The following GATAD2B variants were observed in gnomAD, a reference collection of about 807,000 sequenced individuals.
The protein encoded by GATAD2B is GATA zinc finger domain containing 2B, also known as transcriptional repressor p66-beta.
Under a neutral mutation model 64.3 loss-of-function variants are expected in GATAD2B, and 8 were observed. The observed-to-expected ratio is 0.12, with a 90% CI of 0.07 to 0.22. GATAD2B has a LOEUF of 0.22. GATAD2B is among the 10% of genes least tolerant of loss of function. The pLI is 1.00. For synonymous variants in GATAD2B, 281 were observed against 271.3 expected, an observed-to-expected ratio of 1.04 and a Z score of -0.35; for missense variants, 453 against 752.0, an observed-to-expected ratio of 0.60 and a Z score of 4.65.
intron 1 of GATAD2B, 75 bp from the exon 2 acceptor site, chr1:153,828,423 G>A (rs899568575): frequency 1.6e-5 from 16 of 1,018,380 alleles, no homozygotes; most frequent in Non-Finnish European, 2.3e-5. Flanking sequence ...GTGGAATGGT[G>A]AAGTTATTAA....
intron 1 of GATAD2B, among the ~76,000 whole-genome samples, chr1:153,906,081 A>C (rs944627097): frequency 2.7e-5 from 4 of 148,510 alleles, no homozygotes; most frequent in Non-Finnish European, 6.0e-5. Flanking sequence ...AAAAAAAAAA[A>C]GCTCCCCTCC....
In GATAD2B at chr1:153,811,495, A is replaced by ATT. The variant is rs1207753689; in HGVS notation, c.1648+235_1648+236insAA. 1.1e-5 allele frequency: 6 copies of ATT among 570,398 alleles called. No individual in the cohort carries two copies. The African/African-American group carries it at 1.1e-4, about 11-fold the overall frequency. 35.3% of individuals were successfully genotyped at this position (570,398 alleles called of 1,614,324 possible). On this transcript the variant is annotated intron_variant, in intron 10 of 10. Coordinates refer to ENST00000368655, the MANE Select transcript of GATAD2B (RefSeq NM_020699.4). ...ACATGTCTACTGAAGGGATATTAAAAGTTAAATTGATAATGGTAGGATCTG... is the reference window on the plus strand; with the variant it reads ...ACATGTCTACTGAAGGGATATTAAAATTGTTAAATTGATAATGGTAGGATCTG...
intron 1 of GATAD2B, among the ~76,000 whole-genome samples, chr1:153,879,939 T>C (rs569102032): frequency 2.8e-4 from 42 of 152,214 alleles, no homozygotes; most frequent in Non-Finnish European, 4.6e-4. Context: ...CTTCCTTCCA[T>C]GTGCTGTTTG....
At chr1:153,828,378 G>A in intron 1 of GATAD2B, 30 bp from the exon 2 acceptor site, 2 of 1,549,418 alleles carry the variant, frequency 1.3e-6, no homozygotes, top group Non-Finnish European at 1.8e-6. Context: ...AGTAAGATCA[G>A]AATAAAGTCC....
intron 1 of GATAD2B, among the ~76,000 whole-genome samples, chr1:153,861,781 C>CAAAAAAAAAAAAAAAAAAAAAAAA (rs869141712): frequency 3.5e-5 from 3 of 85,726 alleles, no homozygotes; most frequent in African/African-American, 1.3e-4. Context: ...GACTCCATTT[C>CAAAAAAAAAAAAAAAAAAAAAAAA]AAAAAAAAAA....
chr1:153,820,306 C>G (rs1415532564), intron 2 of GATAD2B, among the ~76,000 whole-genome samples: 2 of 152,096 alleles, frequency 1.3e-5, no homozygotes, highest in Admixed American at 1.3e-4. Context: ...CAAAAAGAGT[C>G]TAGAAATTAC....
chr1:153,850,222 T>C (rs1675840416), intron 1 of GATAD2B, among the ~76,000 whole-genome samples: 3 of 152,200 alleles, frequency 2.0e-5, no homozygotes, highest in Admixed American at 2.0e-4. Flanking sequence ...AATAATTTTT[T>C]TATATTCATT....
At chr1:153,896,780 T>C (rs1010782374) in intron 1 of GATAD2B, among the ~76,000 whole-genome samples, 1 of 152,062 alleles carries the variant, frequency 6.6e-6, no homozygotes, top group Non-Finnish European at 1.5e-5. Context: ...CTCCTAATAC[T>C]GACTGAAATA....
intron 1 of GATAD2B, among the ~76,000 whole-genome samples, chr1:153,840,135 C>T (rs1237972927): frequency 7.0e-6 from 1 of 142,756 alleles, no homozygotes; most frequent in Admixed American, 7.4e-5. Context: ...CAGGTTCAAG[C>T]GATTCTCCTG....
At chr1:153,843,017 T>C (rs999069891) in intron 1 of GATAD2B, among the ~76,000 whole-genome samples, 7 of 148,828 alleles carry the variant, frequency 4.7e-5, no homozygotes, top group East Asian at 2.0e-4. Context: ...CAGTGGACCA[T>C]GTCGGCTCAC....
chr1:153,855,386 G>A (rs1043237426), intron 1 of GATAD2B, among the ~76,000 whole-genome samples: 1 of 151,674 alleles, frequency 6.6e-6, no homozygotes, highest in Admixed American at 6.6e-5. Context: ...GTGTCCCCAC[G>A]CCCGGCTAAT....
At chr1:153,916,587 T>C (rs1181740149) in intron 1 of GATAD2B, among the ~76,000 whole-genome samples, 1 of 152,158 alleles carries the variant, frequency 6.6e-6, no homozygotes, top group Non-Finnish European at 1.5e-5. Context: ...GGCTGGAGTT[T>C]AGGAGAGAAA....
Position 153,828,324 on chromosome 1 carries a change from A to G in GATAD2B, c.24T>C (p.Ala8=). The change falls in exon 2 of 11, where the codon GCT becomes GCC. Residue 8 remains alanine, a synonymous_variant. Transcript: ENST00000368655. MDRMTED[A]LRLNLLKRSL... ...TCCGCTTCAACAGATTCAAGCGAAG[A>G]GCATCTTCTGTCATTCTATCCATCC... 8 of 1,610,832 alleles carry G rather than the reference A, an allele frequency of 5.0e-6. No individual in the cohort carries two copies. Among genetic ancestry groups the G allele is most frequent in the Non-Finnish European group, 5.9e-6 (7 of 1,179,850 alleles).
chr1:153,822,042 A>G (rs1674702141), intron 2 of GATAD2B, among the ~76,000 whole-genome samples: 1 of 151,856 alleles, frequency 6.6e-6, no homozygotes, highest in African/African-American at 2.4e-5. Flanking sequence ...TTAGCCGGGC[A>G]TGGTAGTATA....
intron 1 of GATAD2B, among the ~76,000 whole-genome samples, chr1:153,892,937 C>T (rs1677465116): frequency 6.6e-6 from 1 of 152,134 alleles, no homozygotes; most frequent in Non-Finnish European, 1.5e-5. Context: ...TCGTGATCCA[C>T]CCGCCTCGGC....
intron 1 of GATAD2B, among the ~76,000 whole-genome samples, chr1:153,830,330 TAG>T (rs1456133917): frequency 6.6e-6 from 1 of 151,608 alleles, no homozygotes; most frequent in African/African-American, 2.4e-5. Flanking sequence ...GTATTTTTAG[TAG>T]AGACAGGGTT....
intron 2 of GATAD2B, among the ~76,000 whole-genome samples, chr1:153,823,777 C>A (rs1264950635): frequency 6.6e-6 from 1 of 150,806 alleles, no homozygotes; most frequent in Non-Finnish European, 1.5e-5. Context: ...GTCACCCAGG[C>A]TGGAGTGCAG....
intron 1 of GATAD2B, among the ~76,000 whole-genome samples, chr1:153,854,398 G>A (rs1489129990): frequency 6.6e-6 from 1 of 151,972 alleles, no homozygotes; most frequent in Non-Finnish European, 1.5e-5. Context: ...GCAAGACTCC[G>A]TCTCAAAAAA....
intron 2 of GATAD2B, among the ~76,000 whole-genome samples, chr1:153,824,881 A>G (rs764323986): frequency 2.6e-5 from 4 of 152,034 alleles, no homozygotes; most frequent in Non-Finnish European, 4.4e-5. Flanking sequence ...TCCAGGAGTT[A>G]GAGACCAGCC....
Sources: allele counts gnomAD v4.1 joint callset (sites outside exome capture counted in the v4.1 genomes callset), GRCh38; gene constraint gnomAD v4.1.1; transcripts MANE v1.5; gene names NCBI Gene and HGNC (gene_info 2026-07-23, HGNC 2026-07-21).